SLFN12L: variants seen among roughly 807,000 people sequenced by gnomAD.
The protein encoded by SLFN12L is schlafen family member 12 like.
Under a neutral mutation model 34.8 loss-of-function variants are expected in SLFN12L, and 34 were observed. The ratio of observed to expected loss-of-function variants is 0.98; its 90% CI spans 0.74 to 1.30. The LOEUF is 1.30. Ranked by LOEUF, SLFN12L falls within the 50% of genes most tolerant of loss-of-function variation. The pLI is 0.00. For synonymous variants in SLFN12L, 259 were observed against 247.5 expected (o/e 1.05, Z -0.44); for missense variants, 703 against 696.2 (o/e 1.01, Z -0.11).
rs1180686857 is a variant in SLFN12L, at chr17:35,530,417, G to A, written c.-606+7156C>T. 8.1e-3 allele frequency among the ~76,000 whole-genome samples: 104 copies of A among 12,896 alleles called. 7 individuals carry two copies. The highest frequency in any genetic ancestry group is 0.04 in the Middle Eastern group (2 of 50). The allele number at this position is 12,896 out of a possible 152,430, so 8.5% of individuals were successfully genotyped here. A position where few individuals can be genotyped will look rare whatever the true frequency, so the allele number is the denominator to read the frequency against. On this transcript the variant is annotated intron_variant, in intron 1 of 4. Transcript: ENST00000628453. ...AGGAAGGAAGGAAGGAAGGAAGGAA[G>A]GAAGGAAGGAAGGGAAGGGAAGGGA... is the stretch of plus-strand genomic sequence containing the variant.
At chr17:35,481,409 C>A (rs1223837111) in intron 2 of SLFN12L, among the ~76,000 whole-genome samples, 1 of 152,224 alleles carries the variant, frequency 6.6e-6, no homozygotes, top group Non-Finnish European at 1.5e-5. Flanking sequence ...CATGTTCCAC[C>A]CTGTACACCT....
chr17:35,467,763 C>G lies in SLFN12L; in HGVS notation c.*7160G>C, dbSNP rs1027701150. Among the ~76,000 whole-genome samples the G allele has an allele frequency of 6.6e-6, 1 of 152,172 alleles. No individual in the cohort carries two copies. Among genetic ancestry groups the G allele is most frequent in the Non-Finnish European group, 1.5e-5 (1 of 68,036 alleles). On this transcript the variant is annotated 3_prime_UTR_variant, in exon 5 of 5. Transcript: ENST00000628453. Reference sequence around the variant, plus strand: ...AATAGTGATTGTCCAATGGGCTAGGCAGCTGCTTATCTGATATGGGACCCG... The same window carrying G: ...AATAGTGATTGTCCAATGGGCTAGGGAGCTGCTTATCTGATATGGGACCCG...
chr17:35,496,293 A>G (rs1328114622), intron 2 of SLFN12L, among the ~76,000 whole-genome samples: 1 of 152,084 alleles, frequency 6.6e-6, no homozygotes, highest in African/African-American at 2.4e-5. Flanking sequence ...AGGCTACATC[A>G]GCCGTGATCG....
chr17:35,491,096 C>A, intron 2 of SLFN12L: 1 of 777,004 alleles, frequency 1.3e-6, no homozygotes, highest in Admixed American at 1.7e-5. Flanking sequence ...CTTACTGCCT[C>A]CCCTGCTGCA....
intron 1 of SLFN12L, among the ~76,000 whole-genome samples, chr17:35,535,457 A>G (rs1013076812): frequency 1.3e-4 from 19 of 150,718 alleles, no homozygotes; most frequent in African/African-American, 4.6e-4. Flanking sequence ...TCAGGCTCCC[A>G]AAGTGCTGGG....
chr17:35,527,273 C>T lies in SLFN12L; in HGVS notation c.-605-4304G>A, dbSNP rs139638854. On this transcript the variant is annotated intron_variant, in intron 1 of 4. Transcript: ENST00000628453. ...CAGACAGATTCACAGCTGAATTCTA[C>T]CAGAGGTATGAAGAGGAGCTGGTAC... 1.4e-3 allele frequency among the ~76,000 whole-genome samples: 220 copies of T among 152,208 alleles called. 2 individuals carry two copies. Among genetic ancestry groups the T allele is most frequent in the African/African-American group, 5.1e-3 (212 of 41,524 alleles).
At chr17:35,494,908 T>G (rs1251319357) in intron 2 of SLFN12L, among the ~76,000 whole-genome samples, 3 of 151,436 alleles carry the variant, frequency 2.0e-5, no homozygotes, top group Non-Finnish European at 4.4e-5. Flanking sequence ...TTTATTTATT[T>G]ATTTATTTAT....
intron 4 of SLFN12L, 33 bp downstream of exon 4, chr17:35,478,041 AC>A: frequency 7.3e-7 from 1 of 1,368,248 alleles, no homozygotes; most frequent in South Asian, 1.3e-5. Context: ...ACACAGTTAC[AC>A]CAACAACTCC....
At chr17:35,478,910 T>A (rs1287850409) in intron 3 of SLFN12L, among the ~76,000 whole-genome samples, 1 of 152,248 alleles carries the variant, frequency 6.6e-6, no homozygotes. Flanking sequence ...CAGATAAGGC[T>A]ACTAAGAGTA....
rs531794661 is a variant in SLFN12L at position 35,471,456 on chromosome 17, G to C, written c.*3467C>G. Among the ~76,000 whole-genome samples the C allele has an allele frequency of 8.5e-5, 13 of 152,240 alleles. No homozygotes were observed. Among genetic ancestry groups the C allele is most frequent in the Admixed American group, 4.6e-4 (7 of 15,292 alleles). On this transcript the variant is annotated 3_prime_UTR_variant, in exon 5 of 5. Coordinates refer to ENST00000628453, the MANE Select transcript of SLFN12L (RefSeq NM_001363830.2). ...CACGCCTGCATGTATCTTTATAGTA[G>C]AATGATTTACATTCCTTTGGGTATA...
chr17:35,493,445 C>T (rs1914921524), intron 2 of SLFN12L, among the ~76,000 whole-genome samples: 1 of 152,202 alleles, frequency 6.6e-6, no homozygotes, highest in Non-Finnish European at 1.5e-5. Context: ...AAAGACTGAG[C>T]TCACCTGGCT....
chr17:35,482,883 G>T (rs552443041), intron 2 of SLFN12L, among the ~76,000 whole-genome samples: 1 of 152,272 alleles, frequency 6.6e-6, no homozygotes, highest in Admixed American at 6.5e-5. Context: ...TTCTGGGGCT[G>T]CATGTGGACC....
At chr17:35,529,301 T>C (rs573115890) in intron 1 of SLFN12L, among the ~76,000 whole-genome samples, 1 of 152,170 alleles carries the variant, frequency 6.6e-6, no homozygotes, top group Non-Finnish European at 1.5e-5. Flanking sequence ...TCCTCAAGGA[T>C]CTGGAACCAG....
chr17:35,496,242 G>A (rs1032188175), intron 2 of SLFN12L, among the ~76,000 whole-genome samples: 3 of 152,092 alleles, frequency 2.0e-5, no homozygotes, highest in Non-Finnish European at 2.9e-5. Context: ...CCGACACTTT[G>A]GGAGGCCGAA....
intron 2 of SLFN12L, among the ~76,000 whole-genome samples, chr17:35,503,423 G>A (rs1486992696): frequency 6.6e-6 from 1 of 152,104 alleles, no homozygotes; most frequent in Non-Finnish European, 1.5e-5. Context: ...ATTAAAAATT[G>A]AATAAATATG....
At chr17:35,498,492 A>T in intron 2 of SLFN12L, 1 of 1,199,754 alleles carries the variant, frequency 8.3e-7, no homozygotes. Flanking sequence ...CCACGAAGTG[A>T]TGCCTCTCCT....
chr17:35,480,509 A>G (rs1819627403), intron 2 of SLFN12L: 1 of 229,592 alleles, frequency 4.4e-6, no homozygotes, highest in Non-Finnish European at 8.3e-6. Context: ...TTCTTTAAGT[A>G]AATCCCTGGA....
At chr17:35,525,412 T>C (rs1009025720) in intron 1 of SLFN12L, among the ~76,000 whole-genome samples, 1 of 152,162 alleles carries the variant, frequency 6.6e-6, no homozygotes, top group Non-Finnish European at 1.5e-5. Flanking sequence ...AATCGTCAGA[T>C]TCACCAAGGT....
intron 1 of SLFN12L, among the ~76,000 whole-genome samples, chr17:35,525,428 T>C (rs556015845): frequency 1.3e-5 from 2 of 152,056 alleles, no homozygotes; most frequent in South Asian, 2.1e-4. Flanking sequence ...AAGGTTGAAA[T>C]GAAGGAAAAA....
Sources: gnomAD v4.1 joint callset for allele counts (sites outside exome capture counted in the v4.1 genomes callset) on GRCh38, gnomAD v4.1.1 for gene constraint, MANE v1.5 for transcripts, NCBI Gene and HGNC (gene_info 2026-07-23, HGNC 2026-07-21) for gene names.